ST3GAL1: variants seen among roughly 807,000 people sequenced by gnomAD.
ST3GAL1 encodes the protein CMP-N-acetylneuraminate-beta-galactosamide-alpha-2,3-sialyltransferase 1.
ST3GAL1 carries 16 observed loss-of-function variants against 34.1 expected under a neutral mutation model. The ratio of observed to expected loss-of-function variants is 0.47; its 90% CI spans 0.32 to 0.71. The LOEUF (loss-of-function observed/expected upper bound fraction) is 0.71, where lower values mean the gene tolerates loss of function less well. Among genes scored for constraint, ST3GAL1 ranks in the 30% least tolerant of loss-of-function variants. The pLI, the probability that ST3GAL1 is intolerant of heterozygous loss-of-function variation, is 0.04. For synonymous variants in ST3GAL1, 191 were observed against 184.7 expected, an observed-to-expected ratio of 1.03 and a Z score of -0.28; for missense variants, 353 against 447.4, an observed-to-expected ratio of 0.79 and a Z score of 1.90.
chr8:133,543,494 T>C (rs58504358), intron 2 of ST3GAL1, among the ~76,000 whole-genome samples: 28,334 of 152,032 alleles, frequency 0.19, 2,795 homozygotes, highest in South Asian at 0.3. Context: ...AAAATGAACA[T>C]AATAAAATGC....
intron 2 of ST3GAL1, among the ~76,000 whole-genome samples, chr8:133,514,431 A>AT (rs775115403): frequency 2.6e-5 from 4 of 152,012 alleles, no homozygotes; most frequent in Admixed American, 6.5e-5. Flanking sequence ...GGCTCCTTCC[A>AT]TGCCATGGAA....
intron 1 of ST3GAL1, among the ~76,000 whole-genome samples, chr8:133,562,844 T>TCC (rs1563744699): frequency 6.3e-4 from 60 of 95,368 alleles, no homozygotes; most frequent in African/African-American, 1.2e-3. Context: ...CTTCCTTCCT[T>TCC]TCTTTCTTTT....
intron 2 of ST3GAL1, among the ~76,000 whole-genome samples, chr8:133,514,316 G>T (rs1325179585): frequency 6.6e-6 from 1 of 152,156 alleles, no homozygotes; most frequent in East Asian, 1.9e-4. Flanking sequence ...CACAGGCATT[G>T]GGTACTATTC....
chr8:133,535,672 AG>A (rs1194910637), intron 2 of ST3GAL1, among the ~76,000 whole-genome samples: 4 of 152,158 alleles, frequency 2.6e-5, no homozygotes, highest in South Asian at 4.1e-4. Context: ...TTTTTTTGGT[AG>A]GGGGTGAATC....
intron 3 of ST3GAL1, among the ~76,000 whole-genome samples, chr8:133,492,268 A>AC (rs1171233261): frequency 6.6e-6 from 1 of 151,978 alleles, no homozygotes; most frequent in Non-Finnish European, 1.5e-5. Flanking sequence ...CCCCAAGTGC[A>AC]CCCCCAGCTC....
intron 2 of ST3GAL1, among the ~76,000 whole-genome samples, chr8:133,502,254 C>G (rs904975544): frequency 6.6e-6 from 1 of 152,086 alleles, no homozygotes; most frequent in Non-Finnish European, 1.5e-5. Flanking sequence ...AAGAGCCCTG[C>G]AGAATTGGCC....
At chr8:133,526,766 C>A (rs1460352365) in intron 2 of ST3GAL1, among the ~76,000 whole-genome samples, 1 of 152,110 alleles carries the variant, frequency 6.6e-6, no homozygotes, top group Non-Finnish European at 1.5e-5. Context: ...GAAGAGAGGT[C>A]ATTGGATGCA....
At position 133,540,776 on chromosome 8, in the gene ST3GAL1, G is replaced by GACATATATATATAT. The variant is rs1563733918; in HGVS notation, c.-429+4997_-429+4998insATATATATATATGT. On this transcript the variant is annotated intron_variant, in intron 2 of 9. Coordinates refer to ENST00000522652, the MANE Select transcript of ST3GAL1 (RefSeq NM_173344.3). ...ATATATATATAGACATATATATATAGAGACATATATATATATAGACATATA... is the reference window on the plus strand; with the variant it reads ...ATATATATATAGACATATATATATAGACATATATATATATAGACATATATATATATAGACATATA... Among the ~76,000 whole-genome samples, 271 of 73,800 alleles carry GACATATATATATAT rather than the reference G, an allele frequency of 3.7e-3. 12 individuals carry two copies. The highest frequency in any genetic ancestry group is 4.4e-3 in the South Asian group (8 of 1,820). The allele number at this position is 73,800 out of a possible 152,430, so 48.4% of individuals were successfully genotyped here.
At chr8:133,486,279 C>A (rs1451104839) in intron 3 of ST3GAL1, among the ~76,000 whole-genome samples, 1 of 152,240 alleles carries the variant, frequency 6.6e-6, no homozygotes, top group African/African-American at 2.4e-5. Flanking sequence ...GAGGAACCAG[C>A]CTATCCCCAC....
In ST3GAL1 at chr8:133,456,757, C is replaced by T. The variant is rs767332909; in HGVS notation, c.*3007G>A. 2 of 152,336 alleles carry T rather than the reference C, an allele frequency of 1.3e-5. No homozygotes were observed. Among genetic ancestry groups the T allele is most frequent in the Admixed American group, 6.5e-5 (1 of 15,290 alleles). The allele number at this position is 152,336 out of a possible 1,614,324, so 9.4% of individuals were successfully genotyped here. On this transcript the variant is annotated 3_prime_UTR_variant, in exon 10 of 10. Transcript: ENST00000522652. ...GGAGGGTGTGAGAAGGCCACCCAGG[C>T]AGCCTGCAGCTAGAGCTCGGCGCTG... is the stretch of plus-strand genomic sequence containing the variant.
Position 133,461,991 on chromosome 8 carries a change from G to A in ST3GAL1, c.733C>T (p.Leu245=), listed in dbSNP as rs1258245728. The change falls in exon 9 of 10, where the codon CTG becomes TTG. Residue 245 remains leucine, a synonymous_variant. Coordinates refer to ENST00000522652, the MANE Select transcript of ST3GAL1 (RefSeq NM_173344.3). The surrounding 1 kb of genome is among the most constrained non-coding windows in gnomAD (Gnocchi z 4.7). ...TTGATGAAGGCTGGGTGGTAGATCAGGATCTGCGGGGATGGGAAGACACGG... is the reference window on the plus strand; with the variant it reads ...TTGATGAAGGCTGGGTGGTAGATCAAGATCTGCGGGGATGGGAAGACACGG... ...AKIRVKQDKI[L]IYHPAFIKYV... 1.2e-6 allele frequency: 2 copies of A among 1,614,124 alleles called. No individual in the cohort carries two copies. Among genetic ancestry groups the A allele is most frequent in the Non-Finnish European group, 1.7e-6 (2 of 1,180,006 alleles).
intron 3 of ST3GAL1, among the ~76,000 whole-genome samples, chr8:133,487,146 G>A (rs1204334583): frequency 6.6e-6 from 1 of 151,998 alleles, no homozygotes; most frequent in East Asian, 1.9e-4. Flanking sequence ...TTACTATGTT[G>A]GCCAGGCTGG....
chr8:133,477,340 G>C (rs1816217315), intron 3 of ST3GAL1, among the ~76,000 whole-genome samples: 1 of 152,190 alleles, frequency 6.6e-6, no homozygotes, highest in South Asian at 2.1e-4. Flanking sequence ...TAAGAGCTGA[G>C]AGGATGAGAT....
chr8:133,457,333 G>A lies in ST3GAL1; in HGVS notation c.*2431C>T, dbSNP rs1449335466. The stretch of plus-strand genomic sequence containing the variant: ...TTACACAGCAAAACCCAGAGAAGTC[G>A]ACTGCTCAGCCTGAGCCTGTCATCC... On this transcript the variant is annotated 3_prime_UTR_variant, in exon 10 of 10. Coordinates refer to ENST00000522652, the MANE Select transcript of ST3GAL1 (RefSeq NM_173344.3). 3 of 152,194 alleles carry A rather than the reference G, an allele frequency of 2.0e-5. No homozygotes were observed. Among genetic ancestry groups the A allele is most frequent in the Non-Finnish European group, 2.9e-5 (2 of 68,072 alleles). 9.4% of individuals were successfully genotyped at this position (152,194 alleles called of 1,614,324 possible).
At chr8:133,495,396 C>G (rs370496188) in intron 3 of ST3GAL1, among the ~76,000 whole-genome samples, 2 of 152,328 alleles carry the variant, frequency 1.3e-5, no homozygotes, top group African/African-American at 4.8e-5. Context: ...GGCATTATCC[C>G]CATCTTATAG....
In ST3GAL1 at chr8:133,459,882, T is replaced by G. The variant is rs1815432913; in HGVS notation, c.905A>C (p.Glu302Ala). ...AAAAGCCCCCGCGGATGGGTTGTTC[T>G]CCCAGTAGTGGTGCCAGTTCCCTTT... is the stretch of plus-strand genomic sequence containing the variant. ...DSKGNWHHYW[E>A]NNPSAGAFRK... is the part of the protein sequence containing the mutation. Residue 302 changes from glutamate (E) to alanine (A), a missense_variant, in exon 10 of 10, where the codon GAG (glutamate) becomes GCG (alanine). By Grantham distance (107) the Glu-to-Ala change is moderately radical. Coordinates refer to ENST00000522652, the MANE Select transcript of ST3GAL1 (RefSeq NM_173344.3). This position sits in a 1 kb window ranked among gnomAD's most constrained non-coding sequence, Gnocchi z 4.7. 1 of 1,614,012 alleles carries G rather than the reference T, an allele frequency of 6.2e-7. No homozygotes were observed. Among genetic ancestry groups the G allele is most frequent in the South Asian group, 1.1e-5 (1 of 91,080 alleles).
intron 3 of ST3GAL1, among the ~76,000 whole-genome samples, chr8:133,477,481 A>C (rs1168402703): frequency 6.6e-6 from 1 of 150,718 alleles, no homozygotes; most frequent in Non-Finnish European, 1.5e-5. Flanking sequence ...AGGAAGGAGC[A>C]GGATCCGAGT....
At chr8:133,523,839 G>T (rs1033285279) in intron 2 of ST3GAL1, among the ~76,000 whole-genome samples, 1 of 152,228 alleles carries the variant, frequency 6.6e-6, no homozygotes, top group Admixed American at 6.5e-5. Context: ...ACTGGATGTT[G>T]TGACACGCTT....
At chr8:133,527,026 G>A (rs778760905) in intron 2 of ST3GAL1, among the ~76,000 whole-genome samples, 1 of 152,180 alleles carries the variant, frequency 6.6e-6, no homozygotes, top group Non-Finnish European at 1.5e-5. Flanking sequence ...ACTTGCCCAA[G>A]CTCACCTGAT....
Sources: gnomAD v4.1 joint callset for allele counts (sites outside exome capture counted in the v4.1 genomes callset) on GRCh38, gnomAD v4.1.1 for gene constraint, Gnocchi (gnomAD v3.1) non-coding constraint, MANE v1.5 for transcripts, NCBI Gene and HGNC (gene_info 2026-07-23, HGNC 2026-07-21) for gene names.